SUPT3H: variants seen among roughly 807,000 people sequenced by gnomAD.
SUPT3H encodes transcription initiation protein SPT3 homolog.
SUPT3H carries 44 observed loss-of-function variants against 44.3 expected under a neutral mutation model. That is an observed-to-expected ratio of 0.99 (90% CI 0.78 to 1.28). SUPT3H has a LOEUF of 1.28. Among genes scored for constraint, SUPT3H ranks in the 50% most tolerant of loss-of-function variants. The pLI is 0.00. For missense variants in SUPT3H, 380 were observed against 387.1 expected (o/e 0.98, Z 0.15); for synonymous variants, 124 against 125.6 (o/e 0.99, Z 0.09).
At position 44,830,315 on chromosome 6, in the gene SUPT3H, T is replaced by C. The variant is rs904798102; in HGVS notation, c.913-458A>G. Among the ~76,000 whole-genome samples the C allele has an allele frequency of 2.6e-5, 4 of 152,130 alleles. 1 individual carries two copies. Among genetic ancestry groups the C allele is most frequent in the South Asian group, 4.1e-4 (2 of 4,834 alleles). ...GAAAAGCTGTCGGAACAGACACTAA[T>C]AGAGGCCTCTCCTCCTCCCTAAAAT... On this transcript the variant is annotated intron_variant, in intron 10 of 10. Coordinates refer to ENST00000371459, the MANE Select transcript of SUPT3H (RefSeq NM_003599.4).
chr6:44,914,545 T>C lies in SUPT3H; in HGVS notation c.912+18108A>G, dbSNP rs150938086. Reference sequence around the variant, plus strand: ...GGAATCAATGATCAATCCTGGACAGTAATAATCAAACAATCTTATGATTTC... The same window carrying C: ...GGAATCAATGATCAATCCTGGACAGCAATAATCAAACAATCTTATGATTTC... On this transcript the variant is annotated intron_variant, in intron 10 of 10. Transcript: ENST00000371459. Among the ~76,000 whole-genome samples the C allele has an allele frequency of 9.3e-4, 141 of 152,302 alleles. 1 individual carries two copies. Among genetic ancestry groups the C allele is most frequent in the African/African-American group, 3.2e-3 (134 of 41,580 alleles).
chr6:45,176,656 T>G (rs1215213622), intron 2 of SUPT3H, among the ~76,000 whole-genome samples: 1 of 152,192 alleles, frequency 6.6e-6, no homozygotes, highest in Non-Finnish European at 1.5e-5. Context: ...CAGTAACCTC[T>G]GCAGACTTAA....
chr6:45,321,477 A>G (rs1317642065), intron 2 of SUPT3H, among the ~76,000 whole-genome samples: 2 of 152,156 alleles, frequency 1.3e-5, no homozygotes, highest in African/African-American at 4.8e-5. Flanking sequence ...AATTTTATTA[A>G]TTCAGCTCAT....
At chr6:45,349,024 A>G (rs1791498116) in intron 2 of SUPT3H, among the ~76,000 whole-genome samples, 1 of 152,190 alleles carries the variant, frequency 6.6e-6, no homozygotes, top group Admixed American at 6.5e-5. Flanking sequence ...TTATGAGTGG[A>G]AAGAGGTTTA....
intron 10 of SUPT3H, among the ~76,000 whole-genome samples, chr6:44,870,068 G>A (rs1264164871): frequency 6.6e-6 from 1 of 152,094 alleles, no homozygotes; most frequent in Admixed American, 6.5e-5. Flanking sequence ...TTCCCCCAAA[G>A]AATTTCAACA....
chr6:44,892,073 T>C (rs907831832), intron 10 of SUPT3H, among the ~76,000 whole-genome samples: 8 of 152,144 alleles, frequency 5.3e-5, no homozygotes, highest in African/African-American at 1.9e-4. Context: ...AAAAGGAAGA[T>C]AGTGAGTACA....
chr6:44,886,546 C>G lies in SUPT3H; in HGVS notation c.912+46107G>C, dbSNP rs537486670. Among the ~76,000 whole-genome samples, 18 of 152,186 alleles carry G rather than the reference C, an allele frequency of 1.2e-4. No homozygotes were observed. The South Asian group carries it at 3.7e-3, about 32-fold the overall frequency. On this transcript the variant is annotated intron_variant, in intron 10 of 10. Coordinates refer to ENST00000371459, the MANE Select transcript of SUPT3H (RefSeq NM_003599.4). The stretch of plus-strand genomic sequence containing the variant: ...TTCAGAAGTGAAGGAGAAATAAAAT[C>G]CTTTACAGACAAGCAAATGCTGAGA...
chr6:45,178,439 G>T (rs1257233085), intron 2 of SUPT3H, among the ~76,000 whole-genome samples: 1 of 151,746 alleles, frequency 6.6e-6, no homozygotes, highest in African/African-American at 2.4e-5. Flanking sequence ...CCTACAAAGA[G>T]ACTTAGACTC....
chr6:44,814,939 A>C (rs920155866), intron 11 of SUPT3H, among the ~76,000 whole-genome samples: 1 of 152,100 alleles, frequency 6.6e-6, no homozygotes, highest in African/African-American at 2.4e-5. Flanking sequence ...GGCCTCCCAA[A>C]GTGCTGGGAT....
intron 3 of SUPT3H, among the ~76,000 whole-genome samples, chr6:45,024,008 CA>C (rs1198230273): frequency 1.3e-5 from 2 of 152,098 alleles, no homozygotes; most frequent in Non-Finnish European, 2.9e-5. Context: ...AATGTGAAAA[CA>C]ATAGTAGAAC....
chr6:44,942,472 T>A (rs1313454878), intron 9 of SUPT3H, among the ~76,000 whole-genome samples: 1 of 152,122 alleles, frequency 6.6e-6, no homozygotes, highest in African/African-American at 2.4e-5. Flanking sequence ...TAATCTTAGA[T>A]CCTTGATAAA....
At chr6:45,196,725 C>A (rs1816094133) in intron 2 of SUPT3H, among the ~76,000 whole-genome samples, 1 of 151,802 alleles carries the variant, frequency 6.6e-6, no homozygotes, top group Non-Finnish European at 1.5e-5. Flanking sequence ...TATCACTAAG[C>A]ACAAGAATTG....
intron 2 of SUPT3H, among the ~76,000 whole-genome samples, chr6:45,262,020 A>C (rs1774444840): frequency 6.6e-6 from 1 of 152,154 alleles, no homozygotes. Context: ...CAGCAAACCA[A>C]GGAGGTAAAA....
intron 1 of SUPT3H, among the ~76,000 whole-genome samples, chr6:45,371,447 C>T (rs1385369644): frequency 6.6e-6 from 1 of 150,852 alleles, no homozygotes; most frequent in East Asian, 1.9e-4. Flanking sequence ...CTCCCTCTAC[C>T]AATGAGGAAA....
chr6:45,322,765 T>C (rs976599543), intron 2 of SUPT3H: 2 of 733,594 alleles, frequency 2.7e-6, no homozygotes, highest in African/African-American at 3.5e-5. Context: ...AAGCCTACAA[T>C]AACTATTTTA....
intron 2 of SUPT3H, among the ~76,000 whole-genome samples, chr6:45,218,771 G>C (rs1192794213): frequency 2.0e-5 from 3 of 151,976 alleles, no homozygotes. Flanking sequence ...CAAGAATATA[G>C]AAAATCTGAA....
intron 8 of SUPT3H, among the ~76,000 whole-genome samples, chr6:44,953,998 A>C (rs1029973869): frequency 1.3e-5 from 2 of 152,110 alleles, no homozygotes; most frequent in African/African-American, 4.8e-5. Context: ...TCGGCCTCCC[A>C]AAGTGTTGGG....
intron 2 of SUPT3H, among the ~76,000 whole-genome samples, chr6:45,136,810 C>T (rs1193550090): frequency 1.3e-5 from 2 of 151,940 alleles, no homozygotes; most frequent in African/African-American, 4.8e-5. Context: ...TCTGGACACA[C>T]AAGTGTACCA....
Position 45,001,889 on chromosome 6 carries a change from G to C in SUPT3H, c.504+1764C>G, listed in dbSNP as rs1191638335. Among the ~76,000 whole-genome samples the C allele has an allele frequency of 4.6e-5, 7 of 152,172 alleles. No homozygotes were observed. The East Asian group carries it at 1.4e-3, about 29-fold the overall frequency. ...ACTATAACCTATCAAATTAGAAGCA[G>C]GCAAGGCCTATGCTCTTAACAGTTC... On this transcript the variant is annotated intron_variant, in intron 6 of 10. Coordinates refer to ENST00000371459, the MANE Select transcript of SUPT3H (RefSeq NM_003599.4).
Sources: gnomAD v4.1 joint callset for allele counts (sites outside exome capture counted in the v4.1 genomes callset) on GRCh38, gnomAD v4.1.1 for gene constraint, MANE v1.5 for transcripts, NCBI Gene and HGNC (gene_info 2026-07-23, HGNC 2026-07-21) for gene names.